Variants in ABLIM2 observed in about 807,000 individuals in gnomAD.
The protein encoded by ABLIM2 is actin-binding LIM protein 2.
A neutral mutation model predicts 97.7 loss-of-function variants in ABLIM2; 53 were observed. That is an observed-to-expected ratio of 0.54 (90% CI 0.44 to 0.68). The LOEUF (loss-of-function observed/expected upper bound fraction) is 0.68. ABLIM2 is among the 30% of genes least tolerant of loss of function. ABLIM2 has a pLI of 0.00. For missense variants in ABLIM2, 835 were observed against 867.2 expected (o/e 0.96, Z 0.47); for synonymous variants, 361 against 345.8 (o/e 1.04, Z -0.49).
chr4:8,140,794 C>T lies in ABLIM2; in HGVS notation c.10+17886G>A, dbSNP rs68168685. Among the ~76,000 whole-genome samples the T allele has an allele frequency of 0.26, 40,150 of 151,884 alleles. 7,053 individuals are homozygous for T. The highest frequency in any genetic ancestry group is 0.5 in the African/African-American group (20,836 of 41,314). ...GGCTGACGATATTCAGAAAAGAGTG[C>T]ATTTACCCCAGCTCCTGAGTCAGGG... On this transcript the variant is annotated intron_variant, in intron 1 of 20. Transcript: ENST00000447017. This position sits in a 1 kb window ranked among gnomAD's most constrained non-coding sequence, Gnocchi z 5.9.
chr4:7,983,423 G>A (rs1334781825), intron 19 of ABLIM2, 79 bp from the exon 20 acceptor site: 8 of 1,577,338 alleles, frequency 5.1e-6, no homozygotes, highest in South Asian at 3.5e-5. Flanking sequence ...GAAGGTCACC[G>A]AGAATACATA....
At chr4:8,045,916 C>G (rs1000081288) in intron 8 of ABLIM2, among the ~76,000 whole-genome samples, 1 of 152,098 alleles carries the variant, frequency 6.6e-6, no homozygotes, top group Non-Finnish European at 1.5e-5. Context: ...TCTTGGTCAC[C>G]CTGAAGACCC....
chr4:8,047,288 G>A (rs554134806), intron 8 of ABLIM2, among the ~76,000 whole-genome samples: 5 of 152,230 alleles, frequency 3.3e-5, no homozygotes, highest in Admixed American at 6.5e-5. Flanking sequence ...CCGCTCCACC[G>A]GCCCAGGTCC....
intron 11 of ABLIM2, among the ~76,000 whole-genome samples, chr4:8,028,410 TTCAC>T (rs200979101): frequency 0.01 from 1,531 of 152,222 alleles, 13 homozygotes; most frequent in Non-Finnish European, 0.013. Flanking sequence ...TATTCACTCA[TTCAC>T]TCACTCACTC....
At chr4:7,988,642 A>C (rs1029635062) in intron 17 of ABLIM2, among the ~76,000 whole-genome samples, 1 of 152,272 alleles carries the variant, frequency 6.6e-6, no homozygotes, top group Non-Finnish European at 1.5e-5. Context: ...AAGATAGAGC[A>C]GGAATTGCTT....
intron 1 of ABLIM2, among the ~76,000 whole-genome samples, chr4:8,158,162 C>A (rs1278508757): frequency 1.3e-5 from 2 of 152,204 alleles, no homozygotes; most frequent in African/African-American, 4.8e-5. Context: ...CACATGCGGG[C>A]TCCGGGTCCC....
rs912770497 is a variant in ABLIM2 at position 8,019,959 on chromosome 4, A to G, written c.1369+243T>C. 1.9e-4 allele frequency among the ~76,000 whole-genome samples: 29 copies of G among 152,174 alleles called. No individual in the cohort carries two copies. The highest frequency in any genetic ancestry group is 7.0e-4 in the African/African-American group (29 of 41,444). ...CCTTTTCCTTCACCCCATTCCCAGG[A>G]GGACAGGTGTATCTCCCTGCCGTTT... On this transcript the variant is annotated intron_variant, in intron 13 of 20. Coordinates refer to ENST00000447017, the MANE Select transcript of ABLIM2 (RefSeq NM_001130083.2). This position sits in a 1 kb window ranked among gnomAD's most constrained non-coding sequence, Gnocchi z 4.3.
chr4:7,978,698 C>CCCA (rs1735603562), intron 20 of ABLIM2, among the ~76,000 whole-genome samples: 1 of 150,626 alleles, frequency 6.6e-6, no homozygotes. Context: ...GGGTGAGCCA[C>CCCA]CCACCCCACC....
Position 8,112,958 on chromosome 4 carries a change from A to G in ABLIM2, c.11-6321T>C, listed in dbSNP as rs559304913. On this transcript the variant is annotated intron_variant, in intron 1 of 20. Transcript: ENST00000447017. This position sits in a 1 kb window ranked among gnomAD's most constrained non-coding sequence, Gnocchi z 4.2. Reference sequence around the variant, plus strand: ...AGAGAGGTGTGCCATTCAGCACCACACCAGCGTGACAGGCACAGGAAGAGG... The same window carrying G: ...AGAGAGGTGTGCCATTCAGCACCACGCCAGCGTGACAGGCACAGGAAGAGG... 6.6e-6 allele frequency among the ~76,000 whole-genome samples: 1 copy of G among 152,282 alleles called. No homozygotes were observed. Among genetic ancestry groups the G allele is most frequent in the Admixed American group, 6.5e-5 (1 of 15,298 alleles).
rs1292469293 is a variant in ABLIM2, at chr4:8,001,254, G to A, written c.1618+6805C>T. Among the ~76,000 whole-genome samples the A allele has an allele frequency of 2.6e-5, 4 of 152,184 alleles. No homozygotes were observed. The highest frequency in any genetic ancestry group is 7.2e-5 in the African/African-American group (3 of 41,450). ...GGAGGACAGAGGAGGCCCTGGGGCT[G>A]TGGCTATGAGACAACATGAGCTCTC... On this transcript the variant is annotated intron_variant, in intron 16 of 20. Transcript: ENST00000447017. This position sits in a 1 kb window ranked among gnomAD's most constrained non-coding sequence, Gnocchi z 4.2.
chr4:7,969,693 CT>C, intron 20 of ABLIM2, among the ~76,000 whole-genome samples: 2 of 141,678 alleles, frequency 1.4e-5, no homozygotes. Flanking sequence ...TTAGTTGAAT[CT>C]GGGCTCAGAG....
At chr4:8,104,455 T>C (rs1443960872) in intron 2 of ABLIM2, among the ~76,000 whole-genome samples, 1 of 152,190 alleles carries the variant, frequency 6.6e-6, no homozygotes, top group Non-Finnish European at 1.5e-5. Context: ...CACTGAGGGC[T>C]GAGCCAGGCT....
chr4:8,024,464 G>C (rs546496898), intron 12 of ABLIM2, among the ~76,000 whole-genome samples: 15 of 152,290 alleles, frequency 9.8e-5, no homozygotes, highest in Middle Eastern at 3.4e-3. Flanking sequence ...AGTGCCGTCC[G>C]GAGGGAAATG....
chr4:8,099,474 C>T (rs1833398207), intron 2 of ABLIM2, among the ~76,000 whole-genome samples: 1 of 152,172 alleles, frequency 6.6e-6, no homozygotes, highest in Non-Finnish European at 1.5e-5. Context: ...GCATGTCCAG[C>T]CCCAGCCGTT....
At position 8,123,121 on chromosome 4, in the gene ABLIM2, G is replaced by A. The variant is rs1426229172; in HGVS notation, c.11-16484C>T. Among the ~76,000 whole-genome samples, 1 of 152,216 alleles carries A rather than the reference G, an allele frequency of 6.6e-6. No homozygotes were observed. Among genetic ancestry groups the A allele is most frequent in the Non-Finnish European group, 1.5e-5 (1 of 68,032 alleles). ...GCACTGTGTCCCAGCACTGCTGGAG[G>A]AAGACCTCTTTGCCCGGGTCTGGAC... On this transcript the variant is annotated intron_variant, in intron 1 of 20. Coordinates refer to ENST00000447017, the MANE Select transcript of ABLIM2 (RefSeq NM_001130083.2). The surrounding 1 kb of genome is among the most constrained non-coding windows in gnomAD (Gnocchi z 6.2).
Position 8,123,673 on chromosome 4 carries a change from G to A in ABLIM2, c.11-17036C>T, listed in dbSNP as rs1211886394. On this transcript the variant is annotated intron_variant, in intron 1 of 20. Transcript: ENST00000447017. This position sits in a 1 kb window ranked among gnomAD's most constrained non-coding sequence, Gnocchi z 6.2. ...GCAGCCAGCCCCTGCCTTAAAGCGG[G>A]TCTCCTGGGGGCGTCATCCTTGTAC... Among the ~76,000 whole-genome samples the A allele has an allele frequency of 1.3e-5, 2 of 152,202 alleles. No individual in the cohort carries two copies. Among genetic ancestry groups the A allele is most frequent in the African/African-American group, 4.8e-5 (2 of 41,448 alleles).
intron 12 of ABLIM2, among the ~76,000 whole-genome samples, chr4:8,024,860 A>G (rs960027627): frequency 6.6e-6 from 1 of 152,216 alleles, no homozygotes; most frequent in Non-Finnish European, 1.5e-5. Context: ...TAGTAGGGGC[A>G]GAGCATGGGT....
In ABLIM2 at chr4:8,003,924, C is replaced by A. The variant is rs1304884196; in HGVS notation, c.1618+4135G>T. ...ACCTAGGGGGTCTCACGTCTCTAAG[C>A]CTGAGGCCAGGTGCCCTGCCCGTCC... On this transcript the variant is annotated intron_variant, in intron 16 of 20. Transcript: ENST00000447017. This position sits in a 1 kb window ranked among gnomAD's most constrained non-coding sequence, Gnocchi z 4.2. Among the ~76,000 whole-genome samples the A allele has an allele frequency of 6.6e-6, 1 of 152,122 alleles. No homozygotes were observed. The highest frequency in any genetic ancestry group is 1.5e-5 in the Non-Finnish European group (1 of 68,038).
In ABLIM2 at chr4:7,986,650, T is replaced by C. The variant is rs1212100516; in HGVS notation, c.1681-1757A>G. Among the ~76,000 whole-genome samples, 1 of 152,156 alleles carries C rather than the reference T, an allele frequency of 6.6e-6. No homozygotes were observed. Among genetic ancestry groups the C allele is most frequent in the African/African-American group, 2.4e-5 (1 of 41,422 alleles). ...CTCCACCACTTCACAAAATAATTCTTGCCTTCAGGGGTATTCACAAAGAAT... is the reference window on the plus strand; with the variant it reads ...CTCCACCACTTCACAAAATAATTCTCGCCTTCAGGGGTATTCACAAAGAAT... On this transcript the variant is annotated intron_variant, in intron 17 of 20. Coordinates refer to ENST00000447017, the MANE Select transcript of ABLIM2 (RefSeq NM_001130083.2). The surrounding 1 kb of genome is among the most constrained non-coding windows in gnomAD (Gnocchi z 4.3).
Sources: gnomAD v4.1 joint callset for allele counts (sites outside exome capture counted in the v4.1 genomes callset) on GRCh38, gnomAD v4.1.1 for gene constraint, Gnocchi (gnomAD v3.1) non-coding constraint, MANE v1.5 for transcripts, NCBI Gene and HGNC (gene_info 2026-07-23, HGNC 2026-07-21) for gene names.